The following ERBB4 variants were observed in gnomAD, a reference collection of about 807,000 sequenced individuals.
The protein encoded by ERBB4 is erb-b2 receptor tyrosine kinase 4.
Under a neutral mutation model 158.0 loss-of-function variants are expected in ERBB4, and 42 were observed. That is an observed-to-expected ratio of 0.27 (90% CI 0.21 to 0.34). ERBB4 has a LOEUF of 0.34. ERBB4 is among the 10% of genes least tolerant of loss of function. The pLI, the probability that ERBB4 is intolerant of heterozygous loss-of-function variation, is 1.00. For missense variants in ERBB4, 1,333 were observed against 1,624.1 expected (o/e 0.82, Z 3.08); for synonymous variants, 583 against 558.7 (o/e 1.04, Z -0.61).
chr2:211,475,299 A>T (rs1264998598), intron 20 of ERBB4, among the ~76,000 whole-genome samples: 2 of 152,060 alleles, frequency 1.3e-5, no homozygotes, highest in East Asian at 3.9e-4. Flanking sequence ...CAGTATTGTT[A>T]TAAATTTCTG....
chr2:211,439,430 A>G (rs977961005), intron 20 of ERBB4, among the ~76,000 whole-genome samples: 1 of 152,188 alleles, frequency 6.6e-6, no homozygotes, highest in Non-Finnish European at 1.5e-5. Context: ...TGTGGAAGGA[A>G]GTGTTTTCAC....
At chr2:212,201,882 C>G (rs1484323107) in intron 1 of ERBB4, among the ~76,000 whole-genome samples, 1 of 152,062 alleles carries the variant, frequency 6.6e-6, no homozygotes, top group African/African-American at 2.4e-5. Context: ...ACTATTATTC[C>G]TTTTGTTTTG....
chr2:211,599,010 A>G (rs556130144), intron 19 of ERBB4, among the ~76,000 whole-genome samples: 31 of 152,296 alleles, frequency 2.0e-4, no homozygotes, highest in African/African-American at 7.0e-4. Context: ...TTCATTGTGT[A>G]TCACCTATTT....
chr2:212,309,467 A>G (rs1238777598), intron 1 of ERBB4, among the ~76,000 whole-genome samples: 1 of 150,864 alleles, frequency 6.6e-6, no homozygotes, highest in Non-Finnish European at 1.5e-5. Flanking sequence ...AAAGACAATG[A>G]GAATTACCTG....
At chr2:212,261,064 A>C (rs934042604) in intron 1 of ERBB4, among the ~76,000 whole-genome samples, 5 of 152,160 alleles carry the variant, frequency 3.3e-5, no homozygotes, top group South Asian at 2.1e-4. Flanking sequence ...TTGCTCCAAC[A>C]AAGCACATCT....
At chr2:211,966,320 C>A (rs2081310625) in intron 2 of ERBB4, among the ~76,000 whole-genome samples, 1 of 152,162 alleles carries the variant, frequency 6.6e-6, no homozygotes, top group Non-Finnish European at 1.5e-5. Context: ...TGGCTCACTG[C>A]AACTTCTACC....
At chr2:212,049,533 T>A in intron 2 of ERBB4, among the ~76,000 whole-genome samples, 1 of 152,196 alleles carries the variant, frequency 6.6e-6, no homozygotes, top group East Asian at 1.9e-4. Flanking sequence ...GGCTATAAAC[T>A]ACGTTATGAC....
intron 20 of ERBB4, among the ~76,000 whole-genome samples, chr2:211,538,080 T>C (rs1433988288): frequency 6.9e-6 from 1 of 145,576 alleles, no homozygotes; most frequent in East Asian, 1.9e-4. Flanking sequence ...TATTGCTTAT[T>C]GTTTACTTTA....
At chr2:212,285,822 T>C (rs1203502809) in intron 1 of ERBB4, among the ~76,000 whole-genome samples, 1 of 152,194 alleles carries the variant, frequency 6.6e-6, no homozygotes, top group African/African-American at 2.4e-5. Context: ...ATAGATTTTA[T>C]ATAACTCTAG....
intron 19 of ERBB4, among the ~76,000 whole-genome samples, chr2:211,590,565 C>T (rs1053294214): frequency 6.6e-6 from 1 of 152,034 alleles, no homozygotes; most frequent in Non-Finnish European, 1.5e-5. Context: ...ACAGGGACCC[C>T]CCTCCCCACG....
chr2:212,176,756 T>G (rs2081675937), intron 1 of ERBB4, among the ~76,000 whole-genome samples: 1 of 151,916 alleles, frequency 6.6e-6, no homozygotes, highest in African/African-American at 2.4e-5. Context: ...AACATCTCCT[T>G]TTATAATGTG....
chr2:211,631,345 T>C (rs1390983602), intron 16 of ERBB4, among the ~76,000 whole-genome samples: 1 of 152,126 alleles, frequency 6.6e-6, no homozygotes, highest in African/African-American at 2.4e-5. Context: ...AGGGCAACTC[T>C]GGTAGAAAAA....
chr2:211,388,479 T>C, intron 25 of ERBB4, among the ~76,000 whole-genome samples: 1 of 152,192 alleles, frequency 6.6e-6, no homozygotes, highest in Admixed American at 6.5e-5. Flanking sequence ...TCAAGCTACA[T>C]TTATTTTTCA....
At chr2:212,152,952 T>C (rs2080918987) in intron 1 of ERBB4, among the ~76,000 whole-genome samples, 1 of 152,172 alleles carries the variant, frequency 6.6e-6, no homozygotes, top group Non-Finnish European at 1.5e-5. Context: ...TTCCACATTT[T>C]ACTGCTGCTA....
At chr2:211,517,163 A>ACCAAAGTTTT (rs2066057117) in intron 20 of ERBB4, among the ~76,000 whole-genome samples, 8 of 152,136 alleles carry the variant, frequency 5.3e-5, no homozygotes, top group Non-Finnish European at 1.5e-5. Flanking sequence ...GGTACTGGGA[A>ACCAAAGTTTT]TTAAAAAACT....
At chr2:211,703,749 C>G (rs555554749) in intron 11 of ERBB4, among the ~76,000 whole-genome samples, 3 of 152,264 alleles carry the variant, frequency 2.0e-5, no homozygotes, top group African/African-American at 7.2e-5. Flanking sequence ...GGCACAACAG[C>G]ATTTGTATCC....
chr2:211,484,111 ATAAAT>A (rs1453133579), intron 20 of ERBB4, among the ~76,000 whole-genome samples: 1 of 152,180 alleles, frequency 6.6e-6, no homozygotes, highest in Non-Finnish European at 1.5e-5. Flanking sequence ...AGATAGACTG[ATAAAT>A]TAAAGGCACA....
At chr2:211,516,447 C>T (rs1453595532) in intron 20 of ERBB4, among the ~76,000 whole-genome samples, 7 of 151,628 alleles carry the variant, frequency 4.6e-5, no homozygotes, top group Non-Finnish European at 1.5e-5. Context: ...GATTCTTGTA[C>T]CTCAGCCTCC....
At chr2:211,771,851 C>T (rs559625240) in intron 4 of ERBB4, among the ~76,000 whole-genome samples, 3 of 152,228 alleles carry the variant, frequency 2.0e-5, no homozygotes, top group East Asian at 3.9e-4. Flanking sequence ...ACGGAACTGG[C>T]CTCAGCCTAC....
Sources: allele counts gnomAD v4.1 joint callset (sites outside exome capture counted in the v4.1 genomes callset), GRCh38; gene constraint gnomAD v4.1.1; transcripts MANE v1.5; gene names NCBI Gene and HGNC (gene_info 2026-07-23, HGNC 2026-07-21).